PCDHGA2: variants seen among roughly 807,000 people sequenced by gnomAD.
PCDHGA2 encodes protocadherin gamma subfamily A, 2.
Under a neutral mutation model 59.2 loss-of-function variants are expected in PCDHGA2, and 40 were observed. The ratio of observed to expected loss-of-function variants is 0.68; its 90% CI spans 0.52 to 0.88. The LOEUF (loss-of-function observed/expected upper bound fraction) is 0.88. PCDHGA2 is among the 40% of genes least tolerant of loss of function. The pLI is 0.00. For missense variants in PCDHGA2, 1,226 were observed against 1,204.0 expected, an observed-to-expected ratio of 1.02 and a Z score of -0.27; for synonymous variants, 560 against 526.0, an observed-to-expected ratio of 1.06 and a Z score of -0.89.
At position 141,477,742 on chromosome 5, in the gene PCDHGA2, G is replaced by C; in HGVS notation, c.2425-17065G>C. 2 of 1,613,800 alleles carry C rather than the reference G, an allele frequency of 1.2e-6. No individual in the cohort carries two copies. Among genetic ancestry groups the C allele is most frequent in the Non-Finnish European group, 1.7e-6 (2 of 1,180,030 alleles). ...AATTAACAGCTCATATCAGCGATGG[G>C]GGCACCCCGGTCCTAGCCACCAACA... On this transcript the variant is annotated intron_variant, in intron 1 of 3. Coordinates refer to ENST00000394576, the MANE Select transcript of PCDHGA2 (RefSeq NM_018915.4). The surrounding 1 kb of genome is among the most constrained non-coding windows in gnomAD (Gnocchi z 4.9).
At position 141,338,770 on chromosome 5, in the gene PCDHGA2, T is replaced by G; in HGVS notation, c.-202T>G. On this transcript the variant is annotated 5_prime_UTR_variant, in exon 1 of 4. Transcript: ENST00000394576. ...GGCAGCGAGACATCCAATCCAGCAA[T>G]ACGGCTCCCACAGCACAAGGGGGTG... 1 of 1,279,032 alleles carries G rather than the reference T, an allele frequency of 7.8e-7. No homozygotes were observed. The highest frequency in any genetic ancestry group is 9.9e-7 in the Non-Finnish European group (1 of 1,014,154). The allele number at this position is 1,279,032 out of a possible 1,614,324, so 79.2% of individuals were successfully genotyped here. A position where few individuals can be genotyped will look rare whatever the true frequency, so the allele number is the denominator to read the frequency against.
intron 1 of PCDHGA2, chr5:141,384,244 C>A (rs768651416): frequency 1.2e-5 from 20 of 1,613,710 alleles, no homozygotes; most frequent in Non-Finnish European, 1.7e-5. Flanking sequence ...CAACGATAAC[C>A]CACCCACCTT....
chr5:141,432,528 A>T lies in PCDHGA2; in HGVS notation c.2425-62279A>T. The T allele has an allele frequency of 1.2e-6, 2 of 1,613,804 alleles. No homozygotes were observed. The highest frequency in any genetic ancestry group is 1.7e-6 in the Non-Finnish European group (2 of 1,180,000). ...GCAGAGCCCGGCTACCTGGTGACCA[A>T]GGTGGTGGCGGTGGACAGAGACTCC... is the stretch of plus-strand genomic sequence containing the variant. On this transcript the variant is annotated intron_variant, in intron 1 of 3. Transcript: ENST00000394576. This position sits in a 1 kb window ranked among gnomAD's most constrained non-coding sequence, Gnocchi z 6.0.
At chr5:141,461,963 C>T (rs1396490046) in intron 1 of PCDHGA2, among the ~76,000 whole-genome samples, 1 of 152,084 alleles carries the variant, frequency 6.6e-6, no homozygotes, top group Non-Finnish European at 1.5e-5. Flanking sequence ...AGCTGGGATT[C>T]CAGGCATATG....
At chr5:141,394,937 C>A in intron 1 of PCDHGA2, 1 of 1,613,806 alleles carries the variant, frequency 6.2e-7, no homozygotes, top group Non-Finnish European at 8.5e-7. Context: ...TCGCCTTTGT[C>A]GCTGTGCTTC....
chr5:141,433,054 G>A, intron 1 of PCDHGA2: 2 of 1,614,196 alleles, frequency 1.2e-6, no homozygotes, highest in Non-Finnish European at 1.7e-6. Context: ...ACTCGCGGAA[G>A]AGTCACCTGA....
At chr5:141,457,318 C>T (rs990268003) in intron 1 of PCDHGA2, among the ~76,000 whole-genome samples, 3 of 152,238 alleles carry the variant, frequency 2.0e-5, no homozygotes, top group South Asian at 2.1e-4. Context: ...AAGAAACCTC[C>T]GGGTTACAGG....
chr5:141,430,048 A>G (rs2097258677), intron 1 of PCDHGA2, among the ~76,000 whole-genome samples: 1 of 152,222 alleles, frequency 6.6e-6, no homozygotes, highest in African/African-American at 2.4e-5. Flanking sequence ...AATGTATACA[A>G]TCACATATCA....
At position 141,489,244 on chromosome 5, in the gene PCDHGA2, G is replaced by A. The variant is rs145484133; in HGVS notation, c.2425-5563G>A. ...TCCACAAAGGGACTTCTGGGTCATG[G>A]GGCCCAAGACACTCCCACAGCTCGC... On this transcript the variant is annotated intron_variant, in intron 1 of 3. Coordinates refer to ENST00000394576, the MANE Select transcript of PCDHGA2 (RefSeq NM_018915.4). This position sits in a 1 kb window ranked among gnomAD's most constrained non-coding sequence, Gnocchi z 4.5. 5 of 1,534,936 alleles carry A rather than the reference G, an allele frequency of 3.3e-6. No individual in the cohort carries two copies. In the African/African-American group the frequency reaches 5.5e-5, roughly 17 times the overall value.
intron 1 of PCDHGA2, chr5:141,421,516 T>C (rs199973694): frequency 6.8e-6 from 11 of 1,614,064 alleles, no homozygotes; most frequent in Non-Finnish European, 9.3e-6. Context: ...GGAGGAGCTC[T>C]GTGAGACGGT....
At chr5:141,350,926 C>A (rs1022389451) in intron 1 of PCDHGA2, 6 of 1,614,094 alleles carry the variant, frequency 3.7e-6, no homozygotes, top group Non-Finnish European at 5.1e-6. Flanking sequence ...TAAGCGGCAC[C>A]ACCCATATCT....
chr5:141,384,154 A>G, intron 1 of PCDHGA2: 3 of 1,613,512 alleles, frequency 1.9e-6, no homozygotes, highest in Non-Finnish European at 2.5e-6. Flanking sequence ...CTCTTTGTAT[A>G]ACATCACACT....
At chr5:141,385,287 T>C in intron 1 of PCDHGA2, 1 of 1,613,408 alleles carries the variant, frequency 6.2e-7, no homozygotes, top group Non-Finnish European at 8.5e-7. Flanking sequence ...CATCCGTAGA[T>C]TTTCAGGAAT....
chr5:141,361,612 G>T (rs1485952478), intron 1 of PCDHGA2: 6 of 1,613,866 alleles, frequency 3.7e-6, no homozygotes, highest in Non-Finnish European at 5.1e-6. Context: ...CTCCATCGTA[G>T]CGAGCGACCT....
intron 1 of PCDHGA2, chr5:141,376,683 T>G (rs993121211): frequency 8.6e-5 from 69 of 804,030 alleles, no homozygotes; most frequent in African/African-American, 6.0e-4. Flanking sequence ...ATCGTTTTTT[T>G]TTTTTTTTTT....
At chr5:141,360,616 G>A in intron 1 of PCDHGA2, 1 of 1,614,038 alleles carries the variant, frequency 6.2e-7, no homozygotes, top group Non-Finnish European at 8.5e-7. Context: ...CCTGGATTCA[G>A]ATGTTGGTCC....
chr5:141,432,271 C>T lies in PCDHGA2; in HGVS notation c.2425-62536C>T. On this transcript the variant is annotated intron_variant, in intron 1 of 3. Transcript: ENST00000394576. The surrounding 1 kb of genome is among the most constrained non-coding windows in gnomAD (Gnocchi z 6.0). ...TCCAAGGGGCAAGCCTATCGTCCTA[C>T]GTGTCCATCAACTCCGACACTGGGG... is the stretch of plus-strand genomic sequence containing the variant. The T allele has an allele frequency of 6.2e-7, 1 of 1,614,264 alleles. No individual in the cohort carries two copies. Among genetic ancestry groups the T allele is most frequent in the Non-Finnish European group, 8.5e-7 (1 of 1,180,050 alleles).
At chr5:141,405,008 G>A in intron 1 of PCDHGA2, 1 of 1,614,000 alleles carries the variant, frequency 6.2e-7, no homozygotes, top group Non-Finnish European at 8.5e-7. Context: ...AGACCTGGAG[G>A]CCTCAGACCT....
intron 1 of PCDHGA2, chr5:141,408,105 G>T (rs566753835): frequency 2.6e-5 from 37 of 1,439,788 alleles, no homozygotes; most frequent in Non-Finnish European, 3.2e-5. Flanking sequence ...TCCGAGACCC[G>T]GGACTCCTCC....
Sources: allele counts gnomAD v4.1 joint callset (sites outside exome capture counted in the v4.1 genomes callset), GRCh38; gene constraint gnomAD v4.1.1; non-coding constraint Gnocchi (gnomAD v3.1); transcripts MANE v1.5; gene names NCBI Gene and HGNC (gene_info 2026-07-23, HGNC 2026-07-21).